TUBB8: variants seen among roughly 807,000 people sequenced by gnomAD.
TUBB8 encodes tubulin beta 8 class VIII, also known as tubulin beta-8 chain.
A neutral mutation model predicts 33.7 loss-of-function variants in TUBB8; 25 were observed. That is an observed-to-expected ratio of 0.74 (90% CI 0.54 to 1.04). TUBB8 has a LOEUF of 1.04. Ranked by LOEUF, TUBB8 falls within the 50% of genes least tolerant of loss-of-function variation. The pLI is 0.00. For missense variants in TUBB8, 279 were observed against 608.0 expected (o/e 0.46, Z 5.69); for synonymous variants, 245 against 240.1 (o/e 1.02, Z -0.19).
At chr10:74,117 A>AC (rs1378837086) in exon 1 of TUBB8, 5 of 146,116 alleles carry the variant, frequency 3.4e-5, no homozygotes, top group Admixed American at 6.8e-5. Flanking sequence ...CTCACAGTGG[A>AC]CCCCCCGTCC....
chr10:72,515 GC>G (rs1462953912), intron 1 of TUBB8, among the ~76,000 whole-genome samples: 1 of 152,140 alleles, frequency 6.6e-6, no homozygotes, highest in African/African-American at 2.4e-5. Flanking sequence ...CTGAGATCGC[GC>G]CACTGCAGTC....
At position 48,850 on chromosome 10, in the gene TUBB8, G is replaced by A; in HGVS notation, c.120C>T (p.Ser40=). ...IDSAGTYHGD[S]HLQLERINVY... is the part of the protein sequence containing the mutation. ...CGTTGATGCGCTCCAGCTGCAGGTG[G>A]CTGTCCCCGTGGTAGGTGCCAGCGG... Residue 40 remains serine (S), a synonymous_variant, in exon 2 of 4, where the codon AGC becomes AGT. Coordinates refer to ENST00000568584, the MANE Select transcript of TUBB8 (RefSeq NM_177987.3). 2.5e-6 allele frequency: 4 copies of A among 1,597,880 alleles called. No homozygotes were observed. Among genetic ancestry groups the A allele is most frequent in the Middle Eastern group, 3.7e-4 (2 of 5,352 alleles).
At chr10:56,134 AT>A (rs1554740130) in intron 1 of TUBB8, among the ~76,000 whole-genome samples, 1 of 152,060 alleles carries the variant, frequency 6.6e-6, no homozygotes, top group East Asian at 1.9e-4. Flanking sequence ...ATAACTTTCC[AT>A]TTTTTTGTCT....
Position 48,090 on chromosome 10 carries a change from C to G in TUBB8, c.302G>C (p.Trp101Ser), listed in dbSNP as rs151304401. ...GCCTTCGGTGTAGTGTCCCTTGGCCCAGTTGTTTCCGGCCCCACACTGACC... is the reference window on the plus strand; with the variant it reads ...GCCTTCGGTGTAGTGTCCCTTGGCCGAGTTGTTTCCGGCCCCACACTGACC... Reference protein sequence around the residue: ...IFGQCGAGNNWAKGHYTEGAE... With the variant: ...IFGQCGAGNNSAKGHYTEGAE... The change falls in exon 4 of 4, where the codon TGG becomes TCG. Residue 101 changes from tryptophan to serine, a missense_variant. By Grantham distance (177) the Trp-to-Ser change is radical. Coordinates refer to ENST00000568584, the MANE Select transcript of TUBB8 (RefSeq NM_177987.3). 981 of 1,613,594 alleles carry G rather than the reference C, an allele frequency of 6.1e-4. No individual in the cohort carries two copies. Among genetic ancestry groups the G allele is most frequent in the Non-Finnish European group, 7.5e-4 (889 of 1,179,810 alleles).
chr10:47,794 A>G lies in TUBB8; in HGVS notation c.598T>C (p.Phe200Leu), dbSNP rs1236994778. 1.9e-6 allele frequency: 3 copies of G among 1,614,082 alleles called. No individual in the cohort carries two copies. The highest frequency in any genetic ancestry group is 2.5e-6 in the Non-Finnish European group (3 of 1,180,054). The change falls in exon 4 of 4, where the codon TTT becomes CTT. Residue 200 changes from phenylalanine (F) to leucine (L), a missense_variant. This residue lies in a region of TUBB8 where 96 missense variants were observed against 233.7 expected (regional missense o/e 0.41). Transcript: ENST00000568584. Reference sequence around the variant, plus strand: ...TACAGAGCTTCGTTATCTATGCAAAAGGTCTCATCTGCGTTTTCTATGAGC... The same window carrying G: ...TACAGAGCTTCGTTATCTATGCAAAGGGTCTCATCTGCGTTTTCTATGAGC... ...HQLIENADET[F>L]CIDNEALYDI...
At chr10:49,357 A>G, upstream of TUBB8, 1 of 1,016,510 alleles carries the variant, frequency 9.8e-7, no homozygotes, top group Non-Finnish European at 1.5e-6. Flanking sequence ...TCCGCCTCGG[A>G]TTCGGCTCCC....
intron 1 of TUBB8, among the ~76,000 whole-genome samples, chr10:68,391 C>T (rs545206589): frequency 4.9e-4 from 75 of 152,234 alleles, no homozygotes; most frequent in Admixed American, 1.4e-3. Flanking sequence ...ACTGATATGA[C>T]GCCCACAATA....
chr10:73,109 A>T (rs1329854993), intron 1 of TUBB8, among the ~76,000 whole-genome samples: 1 of 152,274 alleles, frequency 6.6e-6, no homozygotes, highest in African/African-American at 2.4e-5. Flanking sequence ...CTGTACCATT[A>T]CAAATACACT....
At position 48,547 on chromosome 10, in the gene TUBB8, TA is replaced by T; in HGVS notation, c.277+67del. Reference sequence around the variant, plus strand: ...CTCCACAGTTCCCAGAGGATGACCTTAGCACACTCCTGGATTTTGAGCTGCC... The same window carrying T: ...CTCCACAGTTCCCAGAGGATGACCTTGCACACTCCTGGATTTTGAGCTGCC... On this transcript the variant is annotated intron_variant, in intron 3 of 3. Transcript: ENST00000568584. The T allele has an allele frequency of 4.8e-6, 7 of 1,456,236 alleles. 1 individual carries two copies. Among genetic ancestry groups the T allele is most frequent in the Middle Eastern group, 3.6e-4 (2 of 5,572 alleles). The allele number at this position is 1,456,236 out of a possible 1,614,324, so 90.2% of individuals were successfully genotyped here.
chr10:57,188 A>G (rs1223756097), intron 1 of TUBB8, among the ~76,000 whole-genome samples: 1 of 152,250 alleles, frequency 6.6e-6, no homozygotes, highest in African/African-American at 2.4e-5. Flanking sequence ...TGCATGGTTC[A>G]GCCCCCACAG....
At chr10:56,808 C>A (rs1281130313) in intron 1 of TUBB8, among the ~76,000 whole-genome samples, 1 of 152,172 alleles carries the variant, frequency 6.6e-6, no homozygotes, top group Admixed American at 6.5e-5. Context: ...CATTCCAAAT[C>A]TCATATCCTT....
At chr10:73,240 T>C (rs1166887550) in intron 1 of TUBB8, among the ~76,000 whole-genome samples, 8 of 152,258 alleles carry the variant, frequency 5.3e-5, no homozygotes, top group African/African-American at 1.9e-4. Flanking sequence ...TGAGACAAGG[T>C]CTCGCTCTGT....
At chr10:50,918 AATC>A (rs1834460482), upstream of TUBB8, among the ~76,000 whole-genome samples, 1 of 139,946 alleles carries the variant, frequency 7.1e-6, no homozygotes, top group African/African-American at 2.8e-5. Flanking sequence ...TGGTCCAGGG[AATC>A]ATCTCTCTTA....
Position 47,694 on chromosome 10 carries a change from A to T in TUBB8, c.698T>A (p.Met233Lys). The T allele has an allele frequency of 6.2e-7, 1 of 1,612,160 alleles. No homozygotes were observed. Among genetic ancestry groups the T allele is most frequent in the Non-Finnish European group, 8.5e-7 (1 of 1,179,912 alleles). The change falls in exon 4 of 4, where the codon ATG becomes AAG. Residue 233 changes from methionine to lysine, a missense_variant. By Grantham distance (95) the Met-to-Lys change is moderately conservative. Around this residue, in one of 4 missense-constraint regions of TUBB8, gnomAD observed 96 missense variants for 233.7 expected, o/e 0.41. Coordinates refer to ENST00000568584, the MANE Select transcript of TUBB8 (RefSeq NM_177987.3). ...GDLNHLVSAT[M>K]SGVTTCLRFP... ...GCGCAGGCACGTGGTGACCCCACTC[A>T]TGGTAGCAGACACCAGGTGGTTCAG...
intron 1 of TUBB8, among the ~76,000 whole-genome samples, chr10:70,221 GA>G (rs1384819557): frequency 6.6e-6 from 1 of 151,994 alleles, no homozygotes; most frequent in Admixed American, 6.6e-5. Context: ...TCCCTCAATT[GA>G]AAACAAGATA....
intron 1 of TUBB8, among the ~76,000 whole-genome samples, chr10:64,353 C>T (rs1834641596): frequency 6.6e-6 from 1 of 151,948 alleles, no homozygotes; most frequent in Non-Finnish European, 1.5e-5. Flanking sequence ...TTACCCTAAC[C>T]CTAACCCCCA....
intron 1 of TUBB8, among the ~76,000 whole-genome samples, chr10:65,858 T>C (rs1422272187): frequency 5.3e-5 from 8 of 152,268 alleles, no homozygotes; most frequent in African/African-American, 1.7e-4. Flanking sequence ...TTTGGCATAC[T>C]AAAGCCATCA....
At chr10:55,188 A>G (rs1238428011) in intron 1 of TUBB8, among the ~76,000 whole-genome samples, 10 of 152,234 alleles carry the variant, frequency 6.6e-5, no homozygotes, top group African/African-American at 2.4e-4. Context: ...GCGAGAGAGC[A>G]TATATGTGAA....
At chr10:76,605 C>A (rs1477040943), upstream of TUBB8, among the ~76,000 whole-genome samples, 1 of 149,204 alleles carries the variant, frequency 6.7e-6, no homozygotes, top group Non-Finnish European at 1.5e-5. Context: ...ACGCCCCACG[C>A]CGCCGCCGTG....
Sources: allele counts gnomAD v4.1 joint callset (sites outside exome capture counted in the v4.1 genomes callset), GRCh38; gene constraint gnomAD v4.1.1; regional missense constraint gnomAD v4.1.1; transcripts MANE v1.5; gene names NCBI Gene and HGNC (gene_info 2026-07-23, HGNC 2026-07-21).